The following ANKRD33B variants were observed in gnomAD, a reference collection of about 807,000 sequenced individuals.
ANKRD33B encodes the protein ankyrin repeat domain 33B.
A neutral mutation model predicts 21.5 loss-of-function variants in ANKRD33B; 6 were observed. The observed-to-expected ratio is 0.28, with a 90% CI of 0.15 to 0.55. The LOEUF (loss-of-function observed/expected upper bound fraction) is 0.55, where lower values mean the gene tolerates loss of function less well. Among genes scored for constraint, ANKRD33B ranks in the 20% least tolerant of loss-of-function variants. ANKRD33B has a pLI of 0.94. For synonymous variants in ANKRD33B, 347 were observed against 342.4 expected (o/e 1.01, Z -0.15); for missense variants, 698 against 747.2 (o/e 0.93, Z 0.77).
intron 1 of ANKRD33B, among the ~76,000 whole-genome samples, chr5:10,595,373 C>T (rs968777157): frequency 6.6e-6 from 1 of 152,142 alleles, no homozygotes; most frequent in Non-Finnish European, 1.5e-5. Flanking sequence ...AGCAGGGCCA[C>T]GCTCCCTCTG....
rs1359745941 is a variant in ANKRD33B at position 10,622,794 on chromosome 5, CTTTATTTTATTTTA to C, written c.496+4336_496+4349del. On this transcript the variant is annotated intron_variant, in intron 2 of 3. Coordinates refer to ENST00000296657, the MANE Select transcript of ANKRD33B (RefSeq NM_001164440.2). ...GATCCAGGGTTGTTTTTTGTTTTTG[CTTTATTTTATTTTA>C]TTTTTTTTTTTTTCTGGCTTGCTCA... 1.8e-4 allele frequency among the ~76,000 whole-genome samples: 14 copies of C among 78,606 alleles called. 1 individual carries two copies. The South Asian group carries it at 4.1e-3, about 23-fold the overall frequency. The allele number at this position is 78,606 out of a possible 152,430, so 51.6% of individuals were successfully genotyped here.
intron 2 of ANKRD33B, among the ~76,000 whole-genome samples, chr5:10,631,427 C>A (rs1418557626): frequency 1.3e-5 from 2 of 152,170 alleles, no homozygotes; most frequent in East Asian, 3.8e-4. Context: ...AGAGGAGAAT[C>A]CCCTGCGTTT....
In ANKRD33B at chr5:10,651,641, G is replaced by A. The variant is rs996851599; in HGVS notation, c.*1528G>A. On this transcript the variant is annotated 3_prime_UTR_variant, in exon 4 of 4. Transcript: ENST00000296657. ...AGTATTAATTGAAATACTTGGACAC[G>A]CACGATCACAGGCCTATTTGGAGGC... 1.4e-4 allele frequency: 21 copies of A among 152,244 alleles called. No homozygotes were observed. The highest frequency in any genetic ancestry group is 6.5e-4 in the Admixed American group (10 of 15,268). 9.4% of individuals were successfully genotyped at this position (152,244 alleles called of 1,614,324 possible).
intron 1 of ANKRD33B, among the ~76,000 whole-genome samples, chr5:10,600,541 G>A (rs1424998982): frequency 6.6e-6 from 1 of 152,136 alleles, no homozygotes; most frequent in East Asian, 1.9e-4. Flanking sequence ...TTTGATTATA[G>A]CAGACTTTGC....
At chr5:10,596,711 T>C (rs760021069) in intron 1 of ANKRD33B, among the ~76,000 whole-genome samples, 1 of 152,002 alleles carries the variant, frequency 6.6e-6, no homozygotes, top group Non-Finnish European at 1.5e-5. Context: ...AGTAAGATGC[T>C]CCATGAGACC....
intron 3 of ANKRD33B, among the ~76,000 whole-genome samples, chr5:10,646,917 A>T (rs913516773): frequency 6.6e-6 from 1 of 152,160 alleles, no homozygotes; most frequent in African/African-American, 2.4e-5. Context: ...GTGGCTGGGG[A>T]CCCGACCTTC....
chr5:10,565,618 C>A (rs920279175), intron 1 of ANKRD33B, among the ~76,000 whole-genome samples: 3 of 151,994 alleles, frequency 2.0e-5, no homozygotes, highest in Non-Finnish European at 2.9e-5. Context: ...TCAGAGAAAA[C>A]GAGATGTTTA....
At chr5:10,609,929 A>G (rs1339614673) in intron 1 of ANKRD33B, among the ~76,000 whole-genome samples, 2 of 152,262 alleles carry the variant, frequency 1.3e-5, no homozygotes, top group East Asian at 3.9e-4. Flanking sequence ...AACACACAAA[A>G]AAAGAATTCA....
Position 10,596,882 on chromosome 5 carries a change from G to A in ANKRD33B, c.367-21451G>A, listed in dbSNP as rs918782806. 2.6e-5 allele frequency among the ~76,000 whole-genome samples: 4 copies of A among 152,212 alleles called. No homozygotes were observed. The East Asian group carries it at 5.8e-4, about 22-fold the overall frequency. On this transcript the variant is annotated intron_variant, in intron 1 of 3. Coordinates refer to ENST00000296657, the MANE Select transcript of ANKRD33B (RefSeq NM_001164440.2). The stretch of plus-strand genomic sequence containing the variant: ...AACCCCACAAGCCAGAAGAGATTGG[G>A]GGACAATATTCAACATTCTTAAAGA...
intron 1 of ANKRD33B, among the ~76,000 whole-genome samples, chr5:10,601,383 GC>G (rs1241930691): frequency 6.6e-6 from 1 of 152,102 alleles, no homozygotes; most frequent in African/African-American, 2.4e-5. Context: ...CTTGCCTCCC[GC>G]CTGGGACACG....
rs1457934140 is a variant in ANKRD33B at position 10,649,635 on chromosome 5, G to A, written c.1007G>A (p.Gly336Glu). Residue 336 changes from glycine to glutamate, a missense_variant, in exon 4 of 4, where the codon GGG becomes GAG. Around this residue, in one of 3 missense-constraint regions of ANKRD33B, gnomAD observed 543 missense variants for 566.5 expected, o/e 0.96. Transcript: ENST00000296657. ...TGCCCTGAGAGCCCTCCGAGCGTGG[G>A]GAAGAGGCGGCTGGCGGTGCAGGAG... Reference protein sequence around the residue: ...TVCPESPPSVGKRRLAVQEIL... With the variant: ...TVCPESPPSVEKRRLAVQEIL... 1 of 1,531,198 alleles carries A rather than the reference G, an allele frequency of 6.5e-7. No individual in the cohort carries two copies. The highest frequency in any genetic ancestry group is 2.0e-5 in the Admixed American group (1 of 50,822). 94.9% of individuals were successfully genotyped at this position (1,531,198 alleles called of 1,614,324 possible).
chr5:10,602,606 A>T (rs576072385), intron 1 of ANKRD33B, among the ~76,000 whole-genome samples: 1 of 152,342 alleles, frequency 6.6e-6, no homozygotes, highest in Admixed American at 6.5e-5. Flanking sequence ...CCTGCCTCAG[A>T]GCAGCTGGCT....
chr5:10,598,156 C>T (rs572088953), intron 1 of ANKRD33B, among the ~76,000 whole-genome samples: 5 of 152,312 alleles, frequency 3.3e-5, no homozygotes, highest in African/African-American at 7.2e-5. Flanking sequence ...CATTCAGTGG[C>T]GTCATCTCTA....
chr5:10,644,081 C>A (rs1232688792), intron 3 of ANKRD33B, among the ~76,000 whole-genome samples: 1 of 150,590 alleles, frequency 6.6e-6, no homozygotes, highest in East Asian at 1.9e-4. Flanking sequence ...TGATATATTT[C>A]TAAAATTCAC....
At chr5:10,570,533 G>T (rs917921869) in intron 1 of ANKRD33B, among the ~76,000 whole-genome samples, 2 of 152,046 alleles carry the variant, frequency 1.3e-5, no homozygotes, top group Non-Finnish European at 2.9e-5. Flanking sequence ...ACTTCTGGCT[G>T]CTTTGTCACG....
At chr5:10,572,308 C>T (rs1012062196) in intron 1 of ANKRD33B, among the ~76,000 whole-genome samples, 3 of 152,152 alleles carry the variant, frequency 2.0e-5, no homozygotes, top group Non-Finnish European at 2.9e-5. Context: ...AGGGGGTTCC[C>T]TGCTGGGGAA....
chr5:10,633,135 C>G (rs1252719840), intron 2 of ANKRD33B, among the ~76,000 whole-genome samples: 4 of 139,900 alleles, frequency 2.9e-5, no homozygotes, highest in Non-Finnish European at 4.6e-5. Flanking sequence ...TGGGGTCTTG[C>G]TCTGTCACCA....
At position 10,564,453 on chromosome 5, in the gene ANKRD33B, G is replaced by C; in HGVS notation, c.-15G>C. On this transcript the variant is annotated 5_prime_UTR_variant, in exon 1 of 4. Coordinates refer to ENST00000296657, the MANE Select transcript of ANKRD33B (RefSeq NM_001164440.2). The stretch of plus-strand genomic sequence containing the variant: ...GCCCGCGCCCCGGCCCCCGGCCCGC[G>C]CCCCGGCCGCCGGCATGGTGCTGCT... 2.7e-6 allele frequency: 3 copies of C among 1,122,280 alleles called. No individual in the cohort carries two copies. Among genetic ancestry groups the C allele is most frequent in the Non-Finnish European group, 3.3e-6 (3 of 918,960 alleles). The allele number at this position is 1,122,280 out of a possible 1,614,324, so 69.5% of individuals were successfully genotyped here.
At chr5:10,578,455 C>T (rs1735371185) in intron 1 of ANKRD33B, among the ~76,000 whole-genome samples, 1 of 152,178 alleles carries the variant, frequency 6.6e-6, no homozygotes, top group Non-Finnish European at 1.5e-5. Flanking sequence ...GTCCCTTATA[C>T]TGGATTCTTT....
Sources: gnomAD v4.1 joint callset for allele counts (sites outside exome capture counted in the v4.1 genomes callset) on GRCh38, gnomAD v4.1.1 for gene constraint, gnomAD v4.1.1 regional missense constraint, MANE v1.5 for transcripts, NCBI Gene and HGNC (gene_info 2026-07-23, HGNC 2026-07-21) for gene names.